Variants in TENM1 observed in about 807,000 individuals in gnomAD.
TENM1 encodes teneurin transmembrane protein 1, also known as teneurin-1.
A neutral mutation model predicts 174.8 loss-of-function variants in TENM1; 35 were observed. The ratio of observed to expected loss-of-function variants is 0.20; its 90% CI spans 0.15 to 0.27. TENM1 has a LOEUF of 0.27. TENM1 is among the 10% of genes least tolerant of loss of function. The pLI is 1.00. For synonymous variants in TENM1, 781 were observed against 798.7 expected, an observed-to-expected ratio of 0.98 and a Z score of 0.37; for missense variants, 1,633 against 2,130.1, an observed-to-expected ratio of 0.77 and a Z score of 4.59.
At chrX:124,414,894 C>T (rs900006982) in intron 25 of TENM1, among the ~76,000 whole-genome samples, 2 of 111,965 alleles carry the variant, frequency 1.8e-5, no homozygotes, top group East Asian at 5.6e-4. Flanking sequence ...TCTCATGCTC[C>T]TCTCAGAGCA....
chrX:125,167,532 A>G, the TENM1 span, among the ~76,000 whole-genome samples: 1 of 111,340 alleles, frequency 9.0e-6, no homozygotes, highest in Non-Finnish European at 1.9e-5. Context: ...TTTGTTTTCT[A>G]TATTATTTTT....
intron 3 of TENM1, among the ~76,000 whole-genome samples, chrX:124,744,549 A>C (rs373546836): frequency 1.8e-5 from 2 of 112,172 alleles, no homozygotes; most frequent in African/African-American, 6.5e-5. Flanking sequence ...GCCCTGTTTT[A>C]TCTTATGTTG....
At chrX:125,159,165 G>A in the TENM1 span, among the ~76,000 whole-genome samples, 2 of 111,747 alleles carry the variant, frequency 1.8e-5, no homozygotes, top group Admixed American at 9.5e-5. Flanking sequence ...CTCTATGGGT[G>A]TATGATTGCT....
chrX:124,722,055 T>C (rs1284855182), intron 4 of TENM1, among the ~76,000 whole-genome samples: 2 of 112,167 alleles, frequency 1.8e-5, no homozygotes, highest in Non-Finnish European at 3.8e-5. Flanking sequence ...TAAAATTACC[T>C]AAGTTAATGA....
At chrX:124,909,396 C>T (rs1449765796) in intron 1 of TENM1, among the ~76,000 whole-genome samples, 1 of 112,000 alleles carries the variant, frequency 8.9e-6, no homozygotes, top group Non-Finnish European at 1.9e-5. Context: ...AGGTTTCATT[C>T]AGTTCACTGC....
chrX:125,136,928 G>A, the TENM1 span, among the ~76,000 whole-genome samples: 1 of 111,218 alleles, frequency 9.0e-6, no homozygotes, highest in African/African-American at 3.3e-5. Context: ...ATCCCCCACA[G>A]ATATCAAGAA....
the TENM1 span, among the ~76,000 whole-genome samples, chrX:125,023,973 A>C: frequency 8.9e-6 from 1 of 112,415 alleles, no homozygotes; most frequent in African/African-American, 3.2e-5. Context: ...ACAAACAGAC[A>C]AAAAAATGCT....
At chrX:124,756,395 AT>A (rs1316292671) in intron 3 of TENM1, among the ~76,000 whole-genome samples, 1 of 101,321 alleles carries the variant, frequency 9.9e-6, no homozygotes, top group Non-Finnish European at 1.9e-5. Flanking sequence ...ATTCGTCTAA[AT>A]TTTTTTCAAA....
intron 1 of TENM1, among the ~76,000 whole-genome samples, chrX:124,922,372 G>A (rs973353431): frequency 9.0e-6 from 1 of 111,480 alleles, no homozygotes. Context: ...GTATTTTTCA[G>A]TGTAGAACAA....
chrX:125,141,926 ATC>A, the TENM1 span, among the ~76,000 whole-genome samples: 1 of 111,379 alleles, frequency 9.0e-6, no homozygotes, highest in Non-Finnish European at 1.9e-5. Context: ...TAGCTGTGTG[ATC>A]TCAGGTAAGT....
At chrX:124,823,570 G>A (rs1014218520) in intron 3 of TENM1, among the ~76,000 whole-genome samples, 5 of 110,362 alleles carry the variant, frequency 4.5e-5, no homozygotes, top group South Asian at 3.8e-4. Flanking sequence ...TACAGAAGTC[G>A]AAATACTAAA....
the TENM1 span, among the ~76,000 whole-genome samples, chrX:125,029,797 C>T: frequency 9.0e-6 from 1 of 111,244 alleles, no homozygotes; most frequent in Non-Finnish European, 1.9e-5. Context: ...TGCCTATGGC[C>T]TATGCAAAAA....
At chrX:124,500,917 A>G (rs1053643136) in intron 19 of TENM1, among the ~76,000 whole-genome samples, 1 of 111,711 alleles carries the variant, frequency 9.0e-6, no homozygotes, top group African/African-American at 3.3e-5. Flanking sequence ...ACAAACTGGG[A>G]GGTATGCCAG....
At chrX:124,983,933 T>TTGATA in the TENM1 span, among the ~76,000 whole-genome samples, 3 of 111,727 alleles carry the variant, frequency 2.7e-5, no homozygotes, top group Non-Finnish European at 3.8e-5. Flanking sequence ...ATATGAAGAT[T>TTGATA]TGAAGGACAG....
intron 11 of TENM1, among the ~76,000 whole-genome samples, chrX:124,585,965 C>T (rs2049495987): frequency 9.1e-6 from 1 of 110,386 alleles, no homozygotes; most frequent in African/African-American, 3.4e-5. Flanking sequence ...TCGACACATA[C>T]ACCCTCCCAA....
chrX:125,146,199 A>G, the TENM1 span, among the ~76,000 whole-genome samples: 1 of 111,405 alleles, frequency 9.0e-6, no homozygotes, highest in Non-Finnish European at 1.9e-5. Context: ...TCTCATTGGT[A>G]CCAGTTGCTT....
the TENM1 span, among the ~76,000 whole-genome samples, chrX:124,999,514 T>C: frequency 9.0e-6 from 1 of 110,928 alleles, no homozygotes; most frequent in Non-Finnish European, 1.9e-5. Context: ...TCAAATGAAA[T>C]AGGAGCTGTC....
At chrX:124,446,624 C>A (rs2060967745) in intron 23 of TENM1, among the ~76,000 whole-genome samples, 1 of 112,540 alleles carries the variant, frequency 8.9e-6, no homozygotes, top group Admixed American at 9.4e-5. Flanking sequence ...AGGTACTATG[C>A]TAGTATACAT....
At chrX:124,974,785 C>T in the TENM1 span, among the ~76,000 whole-genome samples, 1 of 104,437 alleles carries the variant, frequency 9.6e-6, no homozygotes, top group Non-Finnish European at 2.0e-5. Flanking sequence ...TGGAGGCTTA[C>T]TCTCATTTAG....
Sources: allele counts gnomAD v4.1 joint callset (sites outside exome capture counted in the v4.1 genomes callset), GRCh38; gene constraint gnomAD v4.1.1; transcripts MANE v1.5; gene names NCBI Gene and HGNC (gene_info 2026-07-23, HGNC 2026-07-21).